TNR: variants seen among roughly 807,000 people sequenced by gnomAD.
TNR encodes tenascin R.
TNR carries 45 observed loss-of-function variants against 150.4 expected under a neutral mutation model. The ratio of observed to expected loss-of-function variants is 0.30; its 90% CI spans 0.24 to 0.38. The LOEUF is 0.38. Among genes scored for constraint, TNR ranks in the 10% least tolerant of loss-of-function variants. The pLI is 1.00. For synonymous variants in TNR, 687 were observed against 678.4 expected (o/e 1.01, Z -0.20); for missense variants, 1,544 against 1,759.1 (o/e 0.88, Z 2.19).
chr1:175,675,126 T>C lies in TNR; in HGVS notation c.-165+68100A>G, dbSNP rs573786423. On this transcript the variant is annotated intron_variant, in intron 1 of 22. Transcript: ENST00000367674. The stretch of plus-strand genomic sequence containing the variant: ...AAGTTTGCAAGACAGGAGCAAAATG[T>C]TGGCAAGTTGCAGAGCAGCCAGGCA... Among the ~76,000 whole-genome samples, 4 of 152,368 alleles carry C rather than the reference T, an allele frequency of 2.6e-5. No individual in the cohort carries two copies. The South Asian group carries it at 8.3e-4, about 32-fold the overall frequency.
chr1:175,375,222 C>A (rs1387905795), intron 9 of TNR, among the ~76,000 whole-genome samples: 1 of 151,364 alleles, frequency 6.6e-6, no homozygotes, highest in African/African-American at 2.4e-5. Flanking sequence ...GGTATTGTAC[C>A]CTGTTACATG....
At chr1:175,659,727 G>A (rs1306000705) in intron 1 of TNR, among the ~76,000 whole-genome samples, 3 of 152,096 alleles carry the variant, frequency 2.0e-5, no homozygotes, top group African/African-American at 7.2e-5. Flanking sequence ...TGGGCCAAAG[G>A]AGCTGACGTC....
At chr1:175,544,654 A>C (rs1660618538) in intron 1 of TNR, among the ~76,000 whole-genome samples, 2 of 152,218 alleles carry the variant, frequency 1.3e-5, no homozygotes, top group Admixed American at 6.5e-5. Context: ...GTACTCAAAG[A>C]ATGGATGCAA....
At chr1:175,472,585 G>GAGGAT (rs1223544067) in intron 2 of TNR, among the ~76,000 whole-genome samples, 1 of 152,182 alleles carries the variant, frequency 6.6e-6, no homozygotes, top group Non-Finnish European at 1.5e-5. Context: ...TACGTCACTA[G>GAGGAT]AGGATAGGAA....
At chr1:175,497,049 T>G (rs1658517102) in intron 2 of TNR, among the ~76,000 whole-genome samples, 1 of 152,252 alleles carries the variant, frequency 6.6e-6, no homozygotes, top group Admixed American at 6.5e-5. Context: ...ATCCTGAGGC[T>G]AAAAAGCTCA....
chr1:175,741,809 T>C (rs903099469), intron 1 of TNR, among the ~76,000 whole-genome samples: 1 of 152,162 alleles, frequency 6.6e-6, no homozygotes, highest in African/African-American at 2.4e-5. Flanking sequence ...TGTGCTGAAT[T>C]AAAAATAAGA....
intron 1 of TNR, among the ~76,000 whole-genome samples, chr1:175,634,388 A>G (rs1436792659): frequency 6.6e-6 from 1 of 151,364 alleles, no homozygotes; most frequent in East Asian, 1.9e-4. Context: ...CCTGTGGATA[A>G]CTCTGCCTTG....
At chr1:175,704,318 C>T (rs930986337) in intron 1 of TNR, among the ~76,000 whole-genome samples, 2 of 152,146 alleles carry the variant, frequency 1.3e-5, no homozygotes, top group African/African-American at 4.8e-5. Flanking sequence ...TTAGTCTGTG[C>T]CACAGAGTAC....
chr1:175,394,806 A>G (rs1270530791), intron 5 of TNR, among the ~76,000 whole-genome samples: 1 of 152,216 alleles, frequency 6.6e-6, no homozygotes, highest in Non-Finnish European at 1.5e-5. Flanking sequence ...GGTGGTTTAC[A>G]TGATTTTGTC....
At chr1:175,531,947 T>C (rs1660086482) in intron 1 of TNR, among the ~76,000 whole-genome samples, 1 of 152,220 alleles carries the variant, frequency 6.6e-6, no homozygotes, top group Admixed American at 6.5e-5. Context: ...AGAGACTCTG[T>C]TGACCTCAAT....
chr1:175,359,849 GA>G, intron 14 of TNR, 118 bp from the exon 15 acceptor site: 1 of 1,276,522 alleles, frequency 7.8e-7, no homozygotes, highest in Non-Finnish European at 1.0e-6. Context: ...ACAAAACAAA[GA>G]AGTGAGCAGA....
chr1:175,396,906 C>A, intron 4 of TNR, 99 bp from the exon 5 acceptor site: 1 of 1,462,682 alleles, frequency 6.8e-7, no homozygotes, highest in Non-Finnish European at 9.3e-7. Flanking sequence ...CATGCCATGT[C>A]TATATGTCCT....
chr1:175,347,954 T>C (rs1405536440), intron 18 of TNR, among the ~76,000 whole-genome samples: 1 of 152,048 alleles, frequency 6.6e-6, no homozygotes. Flanking sequence ...GAATTAGAAG[T>C]ATAGAAATAA....
In TNR at chr1:175,738,640, A is replaced by G. The variant is rs75163616; in HGVS notation, c.-165+4586T>C. ...AATGTACTTAGTGCCATTGAACTAT[A>G]TTTTTAAAAAGGAGGGAAAGAGAAA... On this transcript the variant is annotated intron_variant, in intron 1 of 22. Transcript: ENST00000367674. Among the ~76,000 whole-genome samples, 859 of 152,336 alleles carry G rather than the reference A, an allele frequency of 5.6e-3. 10 individuals carry two copies. The highest frequency in any genetic ancestry group is 0.02 in the African/African-American group (832 of 41,568).
At chr1:175,589,432 C>A (rs1662705549) in intron 1 of TNR, among the ~76,000 whole-genome samples, 1 of 152,122 alleles carries the variant, frequency 6.6e-6, no homozygotes, top group Non-Finnish European at 1.5e-5. Context: ...TTTTCCTAAC[C>A]ATTCACTCAT....
chr1:175,509,826 T>G (rs1329003891), intron 2 of TNR, among the ~76,000 whole-genome samples: 1 of 152,236 alleles, frequency 6.6e-6, no homozygotes, highest in Non-Finnish European at 1.5e-5. Flanking sequence ...TACTGTATTT[T>G]TAAACTTCCT....
chr1:175,383,886 T>C (rs570804455), intron 8 of TNR, among the ~76,000 whole-genome samples: 17 of 152,328 alleles, frequency 1.1e-4, no homozygotes, highest in African/African-American at 2.4e-4. Context: ...ATTTGAGGTG[T>C]AGGCTGAGGC....
intron 12 of TNR, among the ~76,000 whole-genome samples, chr1:175,364,744 G>A (rs567166115): frequency 6.6e-6 from 1 of 152,320 alleles, no homozygotes; most frequent in African/African-American, 2.4e-5. Flanking sequence ...TAAGCTGGTA[G>A]TGGGAGGTCT....
intron 21 of TNR, 133 bp from the exon 22 acceptor site, chr1:175,324,652 A>C (rs2101978587): frequency 9.3e-7 from 1 of 1,075,534 alleles, no homozygotes; most frequent in Non-Finnish European, 1.4e-6. Flanking sequence ...AGTTTCTCAG[A>C]GTGGCTGTGC....
Sources: allele counts gnomAD v4.1 joint callset (sites outside exome capture counted in the v4.1 genomes callset), GRCh38; gene constraint gnomAD v4.1.1; transcripts MANE v1.5; gene names NCBI Gene and HGNC (gene_info 2026-07-23, HGNC 2026-07-21).